The following ENAH variants were observed in gnomAD, a reference collection of about 807,000 sequenced individuals.
The protein encoded by ENAH is protein enabled homolog.
ENAH carries 23 observed loss-of-function variants against 78.7 expected under a neutral mutation model. The ratio of observed to expected loss-of-function variants is 0.29; its 90% CI spans 0.21 to 0.41. The LOEUF (loss-of-function observed/expected upper bound fraction) is 0.41. Ranked by LOEUF, ENAH falls within the 10% of genes least tolerant of loss-of-function variation. ENAH has a pLI of 1.00. For missense variants in ENAH, 544 were observed against 691.0 expected, an observed-to-expected ratio of 0.79 and a Z score of 2.39; for synonymous variants, 226 against 241.0, an observed-to-expected ratio of 0.94 and a Z score of 0.58.
chr1:225,518,789 T>C (rs922492866), intron 5 of ENAH, among the ~76,000 whole-genome samples: 3 of 152,182 alleles, frequency 2.0e-5, no homozygotes, highest in Non-Finnish European at 4.4e-5. Context: ...CCAAAATCTT[T>C]AGAATGCAAT....
At chr1:225,640,445 G>C (rs2148439678) in intron 1 of ENAH, among the ~76,000 whole-genome samples, 1 of 152,218 alleles carries the variant, frequency 6.6e-6, no homozygotes, top group South Asian at 2.1e-4. Flanking sequence ...AGAAAGTAAA[G>C]ACCCCCTAAA....
intron 1 of ENAH, among the ~76,000 whole-genome samples, chr1:225,606,073 T>C (rs1412191676): frequency 6.6e-6 from 1 of 152,186 alleles, no homozygotes; most frequent in Non-Finnish European, 1.5e-5. Context: ...TTTGGATAGA[T>C]TATGCTTAAA....
chr1:225,652,691 G>A lies in ENAH; in HGVS notation c.-1C>T, dbSNP rs1031255895. On this transcript the variant is annotated 5_prime_UTR_variant, in exon 1 of 14. Transcript: ENST00000366843. ...CCGCCCCGCGCGCCCCTCACCTCAT[G>A]GTGCCGGCGGCGCAGAGGCTTCCCC... 1 of 1,319,106 alleles carries A rather than the reference G, an allele frequency of 7.6e-7. No individual in the cohort carries two copies. Among genetic ancestry groups the A allele is most frequent in the South Asian group, 2.1e-5 (1 of 46,574 alleles). 81.7% of individuals were successfully genotyped at this position (1,319,106 alleles called of 1,614,324 possible).
At chr1:225,599,758 T>C (rs1423697046) in intron 1 of ENAH, among the ~76,000 whole-genome samples, 4 of 138,196 alleles carry the variant, frequency 2.9e-5, no homozygotes. Flanking sequence ...ATTGCACCAC[T>C]GCACTCCAGC....
At chr1:225,517,545 AAC>A in intron 5 of ENAH, 1 of 1,551,616 alleles carries the variant, frequency 6.4e-7, no homozygotes, top group Non-Finnish European at 8.7e-7. Context: ...CAGGAGAAGA[AAC>A]ACAAACAGGG....
rs540449549 is a variant in ENAH, at chr1:225,652,771, G to A, written c.-81C>T. On this transcript the variant is annotated 5_prime_UTR_variant, in exon 1 of 14. Transcript: ENST00000366843. ...CCGAGGGGGGGGTCTCTCCTCCAGG[G>A]GTGGGGAGCAGCTCGGAGACGGGAG... 4 of 1,199,206 alleles carry A rather than the reference G, an allele frequency of 3.3e-6. No homozygotes were observed. The highest frequency in any genetic ancestry group is 3.2e-5 in the African/African-American group (2 of 63,284). 74.3% of individuals were successfully genotyped at this position (1,199,206 alleles called of 1,614,324 possible). A position where few individuals can be genotyped will look rare whatever the true frequency, so the allele number is the denominator to read the frequency against.
chr1:225,535,967 A>C (rs1317216140), intron 3 of ENAH, among the ~76,000 whole-genome samples: 2 of 152,134 alleles, frequency 1.3e-5, no homozygotes, highest in Non-Finnish European at 2.9e-5. Flanking sequence ...ATTTAGGAGA[A>C]TTGAATCTGA....
chr1:225,609,049 C>T (rs897684883), intron 1 of ENAH, among the ~76,000 whole-genome samples: 2 of 151,826 alleles, frequency 1.3e-5, no homozygotes, highest in African/African-American at 2.4e-5. Flanking sequence ...TGCTTTATTT[C>T]TAAGGGAGCT....
At chr1:225,602,239 A>G (rs1020278828) in intron 1 of ENAH, among the ~76,000 whole-genome samples, 1 of 152,174 alleles carries the variant, frequency 6.6e-6, no homozygotes, top group Non-Finnish European at 1.5e-5. Context: ...TTCTCCCAAC[A>G]AAGTAAAACA....
At chr1:225,502,398 G>A (rs556011469) in intron 11 of ENAH, among the ~76,000 whole-genome samples, 26 of 152,262 alleles carry the variant, frequency 1.7e-4, no homozygotes, top group African/African-American at 6.3e-4. Flanking sequence ...TCTGAGTAGA[G>A]ACGGGGTTTC....
intron 2 of ENAH, 107 bp downstream of exon 2, chr1:225,567,142 G>C (rs1005109154): frequency 5.6e-6 from 7 of 1,254,726 alleles, no homozygotes; most frequent in Non-Finnish European, 5.5e-6. Context: ...TTTTCCCAGA[G>C]AGAGACTATT....
intron 1 of ENAH, among the ~76,000 whole-genome samples, chr1:225,602,355 A>T (rs2096935219): frequency 2.0e-5 from 3 of 152,150 alleles, no homozygotes; most frequent in Admixed American, 1.3e-4. Context: ...AGTTAAAAAG[A>T]ACAAAAGCTA....
In ENAH at chr1:225,509,720, T is replaced by C. The variant is rs528591725; in HGVS notation, c.1472-1703A>G. 4.6e-5 allele frequency among the ~76,000 whole-genome samples: 7 copies of C among 152,354 alleles called. No homozygotes were observed. In the South Asian group the frequency reaches 1.0e-3, roughly 23 times the overall value. On this transcript the variant is annotated intron_variant, in intron 10 of 13. Transcript: ENST00000366843. ...AAAGTCTAAACTCTTGATAATTTTA[T>C]AAAAGGCTCTCAACATTTTTGTTTC...
chr1:225,519,477 T>A lies in ENAH; in HGVS notation c.523A>T (p.Arg175Trp), dbSNP rs2096449953. The A allele has an allele frequency of 6.2e-7, 1 of 1,609,184 alleles. No homozygotes were observed. Among genetic ancestry groups the A allele is most frequent in the Admixed American group, 1.7e-5 (1 of 58,968 alleles). The change falls in exon 5 of 14, where the codon AGG (arginine) becomes TGG (tryptophan). Residue 175 changes from arginine to tryptophan, a missense_variant. Arg to Trp is a moderately radical substitution (Grantham distance 101). Around this residue, in one of 4 missense-constraint regions of ENAH, gnomAD observed 366 missense variants for 396.1 expected, o/e 0.92. Coordinates refer to ENST00000366843, the MANE Select transcript of ENAH (RefSeq NM_018212.6). ...CTCTCCAGCCTTTCCCTTTCTAACC[T>A]CTCTCTCTCCAACCTTTCTCTTTCC... ...RMERERLERE[R>W]LERERLERER...
At chr1:225,532,043 A>C (rs559190187) in intron 3 of ENAH, among the ~76,000 whole-genome samples, 44 of 152,208 alleles carry the variant, frequency 2.9e-4, no homozygotes, top group African/African-American at 3.6e-4. Context: ...ACAAAAAAAA[A>C]CAAAACTTTT....
At chr1:225,561,755 C>T (rs960575732) in intron 2 of ENAH, among the ~76,000 whole-genome samples, 2 of 152,132 alleles carry the variant, frequency 1.3e-5, no homozygotes, top group African/African-American at 2.4e-5. Context: ...GCTTCAGAAC[C>T]AGTGAGCTTG....
chr1:225,621,394 G>A (rs977884373), intron 1 of ENAH, among the ~76,000 whole-genome samples: 10 of 150,194 alleles, frequency 6.7e-5, no homozygotes, highest in South Asian at 4.2e-4. Context: ...CCGGGTTCAC[G>A]CCATTCTCCT....
rs377597193 is a variant in ENAH at position 225,625,101 on chromosome 1, G to A, written c.5+27585C>T. On this transcript the variant is annotated intron_variant, in intron 1 of 13. Coordinates refer to ENST00000366843, the MANE Select transcript of ENAH (RefSeq NM_018212.6). ...AAAAGCATGTGAAAGCAGAAGAGCT[G>A]AGCGATAGACTTAATTTCAAAATGG... 2.0e-5 allele frequency among the ~76,000 whole-genome samples: 3 copies of A among 152,188 alleles called. No homozygotes were observed. The East Asian group carries it at 5.8e-4, about 29-fold the overall frequency.
At chr1:225,600,731 G>A (rs553278080) in intron 1 of ENAH, among the ~76,000 whole-genome samples, 25 of 152,142 alleles carry the variant, frequency 1.6e-4, no homozygotes, top group Non-Finnish European at 3.1e-4. Flanking sequence ...TGTGGTGTGC[G>A]CCCGGAGTCC....
Sources: allele counts gnomAD v4.1 joint callset (sites outside exome capture counted in the v4.1 genomes callset), GRCh38; gene constraint gnomAD v4.1.1; regional missense constraint gnomAD v4.1.1; transcripts MANE v1.5; gene names NCBI Gene and HGNC (gene_info 2026-07-23, HGNC 2026-07-21).